RALYL: variants seen among roughly 807,000 people sequenced by gnomAD.
The protein encoded by RALYL is RALY RNA binding protein like, also known as RNA-binding Raly-like protein.
In RALYL, 29 loss-of-function variants were observed where a neutral mutation model predicts 35.1. The ratio of observed to expected loss-of-function variants is 0.83; its 90% CI spans 0.61 to 1.13. The LOEUF (loss-of-function observed/expected upper bound fraction) is 1.13, where lower values mean the gene tolerates loss of function less well. Ranked by LOEUF, RALYL falls within the 50% of genes most tolerant of loss-of-function variation. The probability of loss-of-function intolerance (pLI) is 0.00; values close to 1 mark genes in which losing one functional copy is unlikely to be tolerated. For synonymous variants in RALYL, 120 were observed against 127.6 expected, an observed-to-expected ratio of 0.94 and a Z score of 0.40; for missense variants, 359 against 360.4, an observed-to-expected ratio of 1.00 and a Z score of 0.03.
chr8:84,813,480 A>G (rs1826387946), intron 4 of RALYL, among the ~76,000 whole-genome samples: 1 of 152,200 alleles, frequency 6.6e-6, no homozygotes, highest in Non-Finnish European at 1.5e-5. Flanking sequence ...CCATAGTCAC[A>G]TGTCAGAATA....
chr8:84,682,405 A>C lies in RALYL; in HGVS notation c.257-92174A>C, dbSNP rs1453168354. ...TTTTTCTATTGATTGGAATAGTTTC[A>C]GAAGGAATGGTACTAGCTTTTCCTT... On this transcript the variant is annotated intron_variant, in intron 2 of 8. Coordinates refer to ENST00000521268, the MANE Select transcript of RALYL (RefSeq NM_173848.7). 2.0e-5 allele frequency among the ~76,000 whole-genome samples: 3 copies of C among 152,328 alleles called. No individual in the cohort carries two copies. In the East Asian group the frequency reaches 5.8e-4, roughly 29 times the overall value.
At chr8:84,464,467 G>A (rs1311531770) in intron 1 of RALYL, among the ~76,000 whole-genome samples, 16 of 151,184 alleles carry the variant, frequency 1.1e-4, no homozygotes, top group African/African-American at 2.4e-5. Context: ...CAAAGGACAT[G>A]AACTCATCAT....
intron 1 of RALYL, among the ~76,000 whole-genome samples, chr8:84,503,388 C>T (rs561936991): frequency 5.5e-4 from 83 of 150,808 alleles, no homozygotes; most frequent in African/African-American, 1.8e-3. Context: ...AAAGTCTTGG[C>T]TTAAAGGGAT....
chr8:84,809,061 G>A (rs970401954), intron 4 of RALYL, among the ~76,000 whole-genome samples: 1 of 152,150 alleles, frequency 6.6e-6, no homozygotes, highest in African/African-American at 2.4e-5. Flanking sequence ...AGTGGTGAGA[G>A]TGGGCATCCT....
chr8:84,207,606 A>T (rs1818352978), intron 1 of RALYL, among the ~76,000 whole-genome samples: 1 of 152,094 alleles, frequency 6.6e-6, no homozygotes, highest in Admixed American at 6.6e-5. Context: ...ACAGTGTTTC[A>T]GTTATGATGG....
chr8:84,508,639 C>T (rs2057364267), intron 1 of RALYL, among the ~76,000 whole-genome samples: 1 of 151,834 alleles, frequency 6.6e-6, no homozygotes, highest in African/African-American at 2.4e-5. Flanking sequence ...CCAAGTACTG[C>T]ACAAATTATA....
intron 6 of RALYL, among the ~76,000 whole-genome samples, chr8:84,867,973 C>A (rs1254987083): frequency 6.6e-6 from 1 of 152,092 alleles, no homozygotes; most frequent in African/African-American, 2.4e-5. Context: ...TATCAGGTGA[C>A]AGAACATTTT....
chr8:84,608,232 C>T (rs1197938239), intron 2 of RALYL, among the ~76,000 whole-genome samples: 1 of 152,116 alleles, frequency 6.6e-6, no homozygotes, highest in East Asian at 1.9e-4. Flanking sequence ...AATCCCTTGG[C>T]CCTCGGGATA....
chr8:84,865,203 A>T (rs1057095652), intron 6 of RALYL, among the ~76,000 whole-genome samples: 1 of 152,160 alleles, frequency 6.6e-6, no homozygotes, highest in African/African-American at 2.4e-5. Context: ...GAAATAACAA[A>T]AGTTTCTAAC....
At chr8:84,530,393 G>A (rs2059198925) in intron 2 of RALYL, among the ~76,000 whole-genome samples, 1 of 151,164 alleles carries the variant, frequency 6.6e-6, no homozygotes, top group African/African-American at 2.4e-5. Flanking sequence ...AGCTTCATAT[G>A]CCCAGAACAA....
At chr8:84,404,499 C>A (rs547617200) in intron 1 of RALYL, among the ~76,000 whole-genome samples, 2 of 152,222 alleles carry the variant, frequency 1.3e-5, no homozygotes, top group East Asian at 1.9e-4. Context: ...GTTGAACCAG[C>A]CTTGCATCCC....
At chr8:84,688,707 G>A (rs958671257) in intron 2 of RALYL, among the ~76,000 whole-genome samples, 10 of 152,028 alleles carry the variant, frequency 6.6e-5, no homozygotes, top group Non-Finnish European at 2.9e-5. Context: ...AAGGCAACAA[G>A]AGTAAAAGTA....
chr8:84,766,028 G>T (rs1382063012), intron 2 of RALYL, among the ~76,000 whole-genome samples: 1 of 152,028 alleles, frequency 6.6e-6, no homozygotes, highest in Non-Finnish European at 1.5e-5. Context: ...GATTGCTAGT[G>T]GTAGAGTAAG....
intron 1 of RALYL, among the ~76,000 whole-genome samples, chr8:84,330,901 T>A (rs1368441660): frequency 1.3e-5 from 2 of 152,084 alleles, no homozygotes; most frequent in Non-Finnish European, 2.9e-5. Flanking sequence ...TCTAGAAAAC[T>A]GCATTATGTT....
intron 1 of RALYL, among the ~76,000 whole-genome samples, chr8:84,335,070 G>A (rs1381769148): frequency 6.6e-6 from 1 of 152,106 alleles, no homozygotes; most frequent in East Asian, 1.9e-4. Flanking sequence ...GTTGGCAGAG[G>A]GGAGAGGCAG....
chr8:84,515,462 G>C (rs1441972992), intron 1 of RALYL, among the ~76,000 whole-genome samples: 1 of 152,110 alleles, frequency 6.6e-6, no homozygotes, highest in African/African-American at 2.4e-5. Flanking sequence ...TTTCAATGTG[G>C]TTCCTAAAAT....
At chr8:84,254,871 G>C (rs935554235) in intron 1 of RALYL, among the ~76,000 whole-genome samples, 1 of 151,930 alleles carries the variant, frequency 6.6e-6, no homozygotes, top group African/African-American at 2.4e-5. Context: ...GTGGCAGGAA[G>C]AATGATGAAT....
chr8:84,453,701 T>G (rs1157058164), intron 1 of RALYL, among the ~76,000 whole-genome samples: 3 of 152,006 alleles, frequency 2.0e-5, no homozygotes, highest in Admixed American at 1.3e-4. Context: ...GGACACAGTG[T>G]CAATGACATT....
intron 1 of RALYL, among the ~76,000 whole-genome samples, chr8:84,294,449 A>G (rs530842284): frequency 1.3e-5 from 2 of 152,174 alleles, no homozygotes; most frequent in Non-Finnish European, 2.9e-5. Flanking sequence ...AGTAGTATCT[A>G]AAACTCAGCT....
Sources: allele counts gnomAD v4.1 joint callset (sites outside exome capture counted in the v4.1 genomes callset), GRCh38; gene constraint gnomAD v4.1.1; transcripts MANE v1.5; gene names NCBI Gene and HGNC (gene_info 2026-07-23, HGNC 2026-07-21).